The following MBD5 variants were observed in gnomAD, a reference collection of about 807,000 sequenced individuals.
MBD5 encodes methyl-CpG-binding domain protein 5.
In MBD5, 13 loss-of-function variants were observed where a neutral mutation model predicts 117.3. The ratio of observed to expected loss-of-function variants is 0.11; its 90% CI spans 0.07 to 0.18. The LOEUF (loss-of-function observed/expected upper bound fraction) is 0.18, where lower values mean the gene tolerates loss of function less well. Among genes scored for constraint, MBD5 ranks in the 10% least tolerant of loss-of-function variants. The pLI, the probability that MBD5 is intolerant of heterozygous loss-of-function variation, is 1.00. For synonymous variants in MBD5, 727 were observed against 766.4 expected, an observed-to-expected ratio of 0.95 and a Z score of 0.85; for missense variants, 1,879 against 2,093.8, an observed-to-expected ratio of 0.90 and a Z score of 2.00.
chr2:148,064,354 A>G (rs1695125865), intron 1 of MBD5, among the ~76,000 whole-genome samples: 1 of 151,472 alleles, frequency 6.6e-6, no homozygotes, highest in Non-Finnish European at 1.5e-5. Context: ...TGACCTCGTG[A>G]TCCCCTCGCC....
At chr2:148,299,186 T>C (rs1701724848) in intron 3 of MBD5, among the ~76,000 whole-genome samples, 1 of 151,892 alleles carries the variant, frequency 6.6e-6, no homozygotes, top group African/African-American at 2.4e-5. Flanking sequence ...TGGAGTGCAG[T>C]GATATGTTCT....
At chr2:148,154,387 T>G (rs1697798444) in intron 1 of MBD5, among the ~76,000 whole-genome samples, 1 of 151,618 alleles carries the variant, frequency 6.6e-6, no homozygotes, top group Admixed American at 6.6e-5. Context: ...GTCTTTTTGT[T>G]TGTCTGTGCC....
At chr2:148,213,494 TA>T (rs1310847242) in intron 2 of MBD5, among the ~76,000 whole-genome samples, 1 of 152,194 alleles carries the variant, frequency 6.6e-6, no homozygotes. Flanking sequence ...AGATGATACT[TA>T]AACAGTATTT....
intron 3 of MBD5, among the ~76,000 whole-genome samples, chr2:148,338,247 G>A (rs1702847244): frequency 6.6e-6 from 1 of 151,970 alleles, no homozygotes; most frequent in African/African-American, 2.4e-5. Context: ...TTTCCCAGTT[G>A]TCCATTAATT....
chr2:148,138,783 T>C (rs1697233749), intron 1 of MBD5, among the ~76,000 whole-genome samples: 2 of 152,000 alleles, frequency 1.3e-5, no homozygotes, highest in Admixed American at 1.3e-4. Context: ...ATCCCCAAAT[T>C]TTCTGTCTGC....
chr2:148,165,632 T>C (rs1459696143), intron 1 of MBD5, among the ~76,000 whole-genome samples: 1 of 152,128 alleles, frequency 6.6e-6, no homozygotes, highest in Non-Finnish European at 1.5e-5. Context: ...TGATTTGCAG[T>C]CTTCTGTGCC....
intron 2 of MBD5, among the ~76,000 whole-genome samples, chr2:148,225,341 C>G (rs144150729): frequency 1.3e-5 from 2 of 152,242 alleles, no homozygotes; most frequent in East Asian, 3.9e-4. Context: ...CACTCTATGC[C>G]TTAACTTCAT....
At chr2:148,228,887 T>A (rs985019664) in intron 2 of MBD5, among the ~76,000 whole-genome samples, 4 of 152,358 alleles carry the variant, frequency 2.6e-5, no homozygotes, top group Admixed American at 2.0e-4. Context: ...ATTTTCTAAT[T>A]TATTTGCATA....
At chr2:148,444,724 T>TC (rs1706435895) in intron 4 of MBD5, among the ~76,000 whole-genome samples, 1 of 150,952 alleles carries the variant, frequency 6.6e-6, no homozygotes, top group Non-Finnish European at 1.5e-5. Flanking sequence ...GAAAACTAGA[T>TC]TAACTCTCTC....
chr2:148,228,229 A>G (rs1296601336), intron 2 of MBD5, among the ~76,000 whole-genome samples: 4 of 152,166 alleles, frequency 2.6e-5, no homozygotes, highest in East Asian at 1.9e-4. Flanking sequence ...TCCATTCAGT[A>G]TGATATTGGC....
At chr2:148,399,400 A>G (rs937062162) in intron 4 of MBD5, among the ~76,000 whole-genome samples, 2 of 151,874 alleles carry the variant, frequency 1.3e-5, no homozygotes, top group Non-Finnish European at 2.9e-5. Flanking sequence ...TAGGTATTTT[A>G]TTCTCTTTGA....
intron 1 of MBD5, among the ~76,000 whole-genome samples, chr2:148,134,934 A>G (rs1697138613): frequency 6.6e-6 from 1 of 152,162 alleles, no homozygotes; most frequent in Non-Finnish European, 1.5e-5. Context: ...CGGACAGGGT[A>G]TAGGGGTGGT....
At chr2:148,115,087 CTGTACAAGT>C (rs1373739750) in intron 1 of MBD5, among the ~76,000 whole-genome samples, 2 of 151,998 alleles carry the variant, frequency 1.3e-5, no homozygotes, top group African/African-American at 4.8e-5. Context: ...TCTAATCGTT[CTGTACAAGT>C]TGCTTTTTAA....
intron 1 of MBD5, among the ~76,000 whole-genome samples, chr2:148,086,865 T>A (rs1444251072): frequency 6.6e-6 from 1 of 152,182 alleles, no homozygotes. Flanking sequence ...CTACCTCGCC[T>A]TTATCTTTAA....
At chr2:148,115,367 G>A (rs1457479723) in intron 1 of MBD5, among the ~76,000 whole-genome samples, 1 of 152,146 alleles carries the variant, frequency 6.6e-6, no homozygotes, top group Middle Eastern at 3.2e-3. Flanking sequence ...CCACTGACAT[G>A]CTGTGTAATT....
chr2:148,488,100 C>T (rs554742087), intron 10 of MBD5, among the ~76,000 whole-genome samples: 2 of 152,272 alleles, frequency 1.3e-5, no homozygotes, highest in East Asian at 3.9e-4. Context: ...AAGTGGAGGG[C>T]ACACCCTCAG....
At chr2:148,507,391 TACAA>T (rs997078739) in intron 12 of MBD5, among the ~76,000 whole-genome samples, 50 of 152,362 alleles carry the variant, frequency 3.3e-4, no homozygotes, top group African/African-American at 1.1e-3. Context: ...AAGTATCACA[TACAA>T]ACAGTTGTCA....
intron 1 of MBD5, among the ~76,000 whole-genome samples, chr2:148,135,716 C>T (rs1465542168): frequency 2.0e-5 from 3 of 152,090 alleles, no homozygotes; most frequent in East Asian, 1.9e-4. Flanking sequence ...TTAAAAACAC[C>T]ATTGGTAAGC....
intron 2 of MBD5, among the ~76,000 whole-genome samples, chr2:148,180,182 T>G (rs1471913250): frequency 6.6e-6 from 1 of 151,442 alleles, no homozygotes; most frequent in Non-Finnish European, 1.5e-5. Context: ...ACATAAGTGA[T>G]ATTACTTATT....
Sources: gnomAD v4.1 joint callset for allele counts (sites outside exome capture counted in the v4.1 genomes callset) on GRCh38, gnomAD v4.1.1 for gene constraint, MANE v1.5 for transcripts, NCBI Gene and HGNC (gene_info 2026-07-23, HGNC 2026-07-21) for gene names.